PLEKHM3: variants seen among roughly 807,000 people sequenced by gnomAD.
PLEKHM3 encodes pleckstrin homology domain-containing family M member 3.
In PLEKHM3, 45 loss-of-function variants were observed where a neutral mutation model predicts 81.8. The ratio of observed to expected loss-of-function variants is 0.55; its 90% CI spans 0.43 to 0.71. PLEKHM3 has a LOEUF of 0.71. Ranked by LOEUF, PLEKHM3 falls within the 30% of genes least tolerant of loss-of-function variation. PLEKHM3 has a pLI of 0.00. For missense variants in PLEKHM3, 788 were observed against 924.3 expected, an observed-to-expected ratio of 0.85 and a Z score of 1.91; for synonymous variants, 352 against 356.4, an observed-to-expected ratio of 0.99 and a Z score of 0.14.
chr2:207,965,247 A>G (rs1407816799), intron 3 of PLEKHM3, among the ~76,000 whole-genome samples: 1 of 152,238 alleles, frequency 6.6e-6, no homozygotes. Flanking sequence ...GTGGAATCCA[A>G]TGGTACATTA....
intron 5 of PLEKHM3, among the ~76,000 whole-genome samples, chr2:207,922,705 G>A (rs1410194400): frequency 6.6e-6 from 1 of 152,076 alleles, no homozygotes; most frequent in African/African-American, 2.4e-5. Flanking sequence ...CCAGTTACTC[G>A]GGAGGCTGAG....
At chr2:207,904,267 A>G (rs920083363) in intron 6 of PLEKHM3, among the ~76,000 whole-genome samples, 1 of 152,146 alleles carries the variant, frequency 6.6e-6, no homozygotes, top group Non-Finnish European at 1.5e-5. Context: ...AACAATATCT[A>G]GTTTGCAGAA....
rs985409046 is a variant in PLEKHM3, at chr2:208,001,728, A to T, written c.-89T>A. ...ACCCAACCAAGAGGGGTGCTTCAGCAATAGAGCTATGGAAACAACTGGAAG... is the reference window on the plus strand; with the variant it reads ...ACCCAACCAAGAGGGGTGCTTCAGCTATAGAGCTATGGAAACAACTGGAAG... On this transcript the variant is annotated 5_prime_UTR_variant, in exon 2 of 8. Coordinates refer to ENST00000427836, the MANE Select transcript of PLEKHM3 (RefSeq NM_001080475.3). 2 of 1,518,032 alleles carry T rather than the reference A, an allele frequency of 1.3e-6. No homozygotes were observed. The highest frequency in any genetic ancestry group is 2.8e-5 in the African/African-American group (2 of 71,848). The allele number at this position is 1,518,032 out of a possible 1,614,324, so 94.0% of individuals were successfully genotyped here. A position where few individuals can be genotyped will look rare whatever the true frequency, so the allele number is the denominator to read the frequency against.
At chr2:207,844,588 G>A (rs1040204847) in intron 7 of PLEKHM3, among the ~76,000 whole-genome samples, 2 of 152,076 alleles carry the variant, frequency 1.3e-5, no homozygotes, top group African/African-American at 4.8e-5. Flanking sequence ...TTACAGGCGT[G>A]AGCCACTGCG....
At position 207,944,018 on chromosome 2, in the gene PLEKHM3, C is replaced by T. The variant is rs867322560; in HGVS notation, c.1692+2349G>A. Among the ~76,000 whole-genome samples, 111 of 152,076 alleles carry T rather than the reference C, an allele frequency of 7.3e-4. 1 individual carries two copies. The Middle Eastern group carries it at 0.014, about 19-fold the overall frequency. ...AATTTTAGTAGCAAAACTGGAGCTGCAGATAAAAGTAGGAATTATCAGCAT... is the reference window on the plus strand; with the variant it reads ...AATTTTAGTAGCAAAACTGGAGCTGTAGATAAAAGTAGGAATTATCAGCAT... On this transcript the variant is annotated intron_variant, in intron 4 of 7. Transcript: ENST00000427836.
In PLEKHM3 at chr2:207,966,418, C is replaced by G. The variant is rs557065791; in HGVS notation, c.1546+10233G>C. ...GCCCAACAGGATTACACATAGTAAC[C>G]CTCTTTTCTCCTCTAAGTGACAGCC... On this transcript the variant is annotated intron_variant, in intron 3 of 7. Transcript: ENST00000427836. 2.6e-5 allele frequency among the ~76,000 whole-genome samples: 4 copies of G among 152,222 alleles called. No homozygotes were observed. In the South Asian group the frequency reaches 8.3e-4, roughly 32 times the overall value.
rs370044411 is a variant in PLEKHM3 at position 207,976,974 on chromosome 2, T to C, written c.1223A>G (p.Asp408Gly). Residue 408 changes from aspartate (D) to glycine (G), a missense_variant, in exon 3 of 8, where the codon GAC (aspartate) becomes GGC (glycine). By Grantham distance (94) the Asp-to-Gly change is moderately conservative (BLOSUM62 -1). Transcript: ENST00000427836. The surrounding 1 kb of genome is among the most constrained non-coding windows in gnomAD (Gnocchi z 4.1). ...GTCCATCTGGACAGCCAGACACACG[T>C]CCACGTTGTAGCTCAACAGTGGATC... ...DEDPLLSYNV[D>G]VCLAVQMDNL... The C allele has an allele frequency of 2.5e-6, 4 of 1,614,184 alleles. No individual in the cohort carries two copies. Among genetic ancestry groups the C allele is most frequent in the African/African-American group, 1.3e-5 (1 of 75,050 alleles).
chr2:208,009,715 G>A (rs912094870), intron 1 of PLEKHM3, among the ~76,000 whole-genome samples: 3 of 152,204 alleles, frequency 2.0e-5, no homozygotes, highest in African/African-American at 7.2e-5. Context: ...GCCTAGAACT[G>A]TGGTTAGTAC....
intron 6 of PLEKHM3, among the ~76,000 whole-genome samples, chr2:207,892,871 G>T (rs1416468232): frequency 6.6e-6 from 1 of 152,110 alleles, no homozygotes; most frequent in Non-Finnish European, 1.5e-5. Context: ...TGCCTGCCTC[G>T]CTATTCTAAG....
rs57642698 is a variant in PLEKHM3 at position 207,936,846 on chromosome 2, A to AGTGTGTGT, written c.1693-5735_1693-5728dup. Among the ~76,000 whole-genome samples, 308 of 146,796 alleles carry AGTGTGTGT rather than the reference A, an allele frequency of 2.1e-3. 1 individual carries two copies. The highest frequency in any genetic ancestry group is 5.0e-3 in the African/African-American group (200 of 39,978). On this transcript the variant is annotated intron_variant, in intron 4 of 7. Transcript: ENST00000427836. ...CAAAAAAGAACTGGTTAGATAAATT[A>AGTGTGTGT]GTGTGTGTGTGTGTGTGTGTGTGTG...
intron 4 of PLEKHM3, among the ~76,000 whole-genome samples, chr2:207,942,286 T>C (rs992222795): frequency 2.6e-5 from 4 of 151,992 alleles, no homozygotes; most frequent in Admixed American, 2.0e-4. Context: ...GGTGGGAAGA[T>C]TGCTTGAGCT....
At chr2:208,008,986 T>C (rs929511497) in intron 1 of PLEKHM3, among the ~76,000 whole-genome samples, 7 of 152,246 alleles carry the variant, frequency 4.6e-5, no homozygotes, top group African/African-American at 1.4e-4. Flanking sequence ...AAGACATTTC[T>C]ACCTGGCTTA....
intron 7 of PLEKHM3, among the ~76,000 whole-genome samples, chr2:207,849,100 G>A (rs572672922): frequency 1.3e-5 from 2 of 152,258 alleles, no homozygotes; most frequent in South Asian, 2.1e-4. Context: ...TTTGGAGGCC[G>A]AGGCGGGCGG....
At chr2:207,992,879 G>A (rs1691943869) in intron 2 of PLEKHM3, among the ~76,000 whole-genome samples, 1 of 152,170 alleles carries the variant, frequency 6.6e-6, no homozygotes, top group South Asian at 2.1e-4. Context: ...CAAAGGCCCA[G>A]GAGCTTGAAA....
intron 3 of PLEKHM3, among the ~76,000 whole-genome samples, chr2:207,958,179 TA>T (rs1690585943): frequency 6.6e-6 from 1 of 152,240 alleles, no homozygotes; most frequent in Non-Finnish European, 1.5e-5. Flanking sequence ...TCACCAGTTC[TA>T]CTTTCTTACC....
At chr2:207,923,878 CACATATAT>C (rs1296828235) in intron 5 of PLEKHM3, among the ~76,000 whole-genome samples, 3 of 38,978 alleles carry the variant, frequency 7.7e-5, no homozygotes, top group Admixed American at 3.0e-4. Context: ...CACACACACA[CACATATAT>C]ATATATATAT....
At chr2:207,912,474 G>A (rs988189818) in intron 5 of PLEKHM3, among the ~76,000 whole-genome samples, 2 of 152,266 alleles carry the variant, frequency 1.3e-5, no homozygotes, top group South Asian at 4.1e-4. Context: ...CAATATATGC[G>A]GGAAAGATGA....
chr2:207,984,740 G>T (rs949063796), intron 2 of PLEKHM3, among the ~76,000 whole-genome samples: 1 of 152,148 alleles, frequency 6.6e-6, no homozygotes, highest in Non-Finnish European at 1.5e-5. Flanking sequence ...TTGTTGACAT[G>T]TCTTTTAAGT....
chr2:208,006,402 G>C (rs985706035), intron 1 of PLEKHM3, among the ~76,000 whole-genome samples: 1 of 152,214 alleles, frequency 6.6e-6, no homozygotes, highest in Admixed American at 6.5e-5. Flanking sequence ...GCTTGCCTCA[G>C]TACAAAACTG....
Sources: gnomAD v4.1 joint callset for allele counts (sites outside exome capture counted in the v4.1 genomes callset) on GRCh38, gnomAD v4.1.1 for gene constraint, Gnocchi (gnomAD v3.1) non-coding constraint, MANE v1.5 for transcripts, NCBI Gene and HGNC (gene_info 2026-07-23, HGNC 2026-07-21) for gene names.